TOGARAM1: variants seen among roughly 807,000 people sequenced by gnomAD.
TOGARAM1 encodes TOG array regulator of axonemal microtubules 1.
Under a neutral mutation model 166.6 loss-of-function variants are expected in TOGARAM1, and 100 were observed. The observed-to-expected ratio is 0.60, with a 90% CI of 0.51 to 0.71. The LOEUF (loss-of-function observed/expected upper bound fraction) is 0.71. Among genes scored for constraint, TOGARAM1 ranks in the 30% least tolerant of loss-of-function variants. The probability of loss-of-function intolerance (pLI) is 0.00; values close to 1 mark genes in which losing one functional copy is unlikely to be tolerated. For missense variants in TOGARAM1, 2,029 were observed against 2,102.7 expected, an observed-to-expected ratio of 0.96 and a Z score of 0.69; for synonymous variants, 758 against 763.8, an observed-to-expected ratio of 0.99 and a Z score of 0.13.
chr14:45,054,448 A>G lies in TOGARAM1; in HGVS notation c.4458A>G (p.Pro1486=), dbSNP rs749336651. 22 of 1,611,540 alleles carry G rather than the reference A, an allele frequency of 1.4e-5. No homozygotes were observed. The highest frequency in any genetic ancestry group is 1.8e-5 in the Non-Finnish European group (21 of 1,178,288). Residue 1486 remains proline, a synonymous_variant, in exon 16 of 20, where the codon CCA becomes CCG. Transcript: ENST00000361462. ...ACTTGCAGGGTTTGGGGGAGATACCATTAGATACTCCTTCAGCAAAAGGAA... is the reference window on the plus strand; with the variant it reads ...ACTTGCAGGGTTTGGGGGAGATACCGTTAGATACTCCTTCAGCAAAAGGAA... ...NLQQKGLGEI[P]LDTPSAKGRR...
chr14:45,028,424 T>C, intron 10 of TOGARAM1, 95 bp downstream of exon 10: 1 of 1,298,232 alleles, frequency 7.7e-7, no homozygotes. Context: ...TGACTAAGAA[T>C]GAAATATCTT....
chr14:44,993,821 C>T (rs879833056), intron 1 of TOGARAM1, among the ~76,000 whole-genome samples: 2 of 152,188 alleles, frequency 1.3e-5, no homozygotes, highest in African/African-American at 2.4e-5. Context: ...CCACCTCCAC[C>T]AGTTGTTGTA....
chr14:45,072,461 C>G (rs930761940), intron 19 of TOGARAM1, among the ~76,000 whole-genome samples: 1 of 151,590 alleles, frequency 6.6e-6, no homozygotes, highest in Non-Finnish European at 1.5e-5. Flanking sequence ...GAGTCTCGCT[C>G]TGTTGCCTAG....
Position 45,054,432 on chromosome 14 carries a change from G to A in TOGARAM1, c.4442G>A (p.Gly1481Asp). The A allele has an allele frequency of 2.5e-6, 4 of 1,595,630 alleles. No homozygotes were observed. The highest frequency in any genetic ancestry group is 2.2e-5 in the East Asian group (1 of 44,588). Residue 1481 changes from glycine to aspartate, a missense_variant and splice_region_variant, in exon 16 of 20, where the codon GGT becomes GAT. Gly to Asp is a moderately conservative substitution (Grantham distance 94). Around this residue, in one of 2 missense-constraint regions of TOGARAM1, gnomAD observed 576 missense variants for 670.5 expected, o/e 0.86. Coordinates refer to ENST00000361462, the MANE Select transcript of TOGARAM1 (RefSeq NM_001308120.2). Reference protein sequence around the residue: ...KDSVRNLQQKGLGEIPLDTPS... With the variant: ...KDSVRNLQQKDLGEIPLDTPS... Reference sequence around the variant, plus strand: ...TACTAATTTTATATTTACTTGCAGGGTTTGGGGGAGATACCATTAGATACT... The same window carrying A: ...TACTAATTTTATATTTACTTGCAGGATTTGGGGGAGATACCATTAGATACT...
chr14:45,060,535 C>T (rs1349739812), intron 16 of TOGARAM1, among the ~76,000 whole-genome samples: 3 of 152,102 alleles, frequency 2.0e-5, no homozygotes, highest in Non-Finnish European at 4.4e-5. Context: ...AAATGTTATT[C>T]TCCTTCCAGA....
At chr14:45,018,349 C>T (rs953696181) in intron 7 of TOGARAM1, among the ~76,000 whole-genome samples, 2 of 152,012 alleles carry the variant, frequency 1.3e-5, no homozygotes, top group South Asian at 2.1e-4. Context: ...AAGTGATTCT[C>T]GTGCCTCAGC....
At chr14:44,999,545 G>T in intron 3 of TOGARAM1, 48 bp downstream of exon 3, 1 of 1,486,022 alleles carries the variant, frequency 6.7e-7, no homozygotes. Flanking sequence ...TAAATATTAT[G>T]TGGGGATTCC....
At chr14:44,985,282 G>T (rs956339256) in intron 1 of TOGARAM1, among the ~76,000 whole-genome samples, 1 of 152,212 alleles carries the variant, frequency 6.6e-6, no homozygotes, top group Non-Finnish European at 1.5e-5. Flanking sequence ...AAAGTGCTGG[G>T]ATTAACAGGC....
At chr14:45,037,761 C>T (rs1881504273) in intron 11 of TOGARAM1, among the ~76,000 whole-genome samples, 1 of 151,882 alleles carries the variant, frequency 6.6e-6, no homozygotes, top group Non-Finnish European at 1.5e-5. Context: ...GGTGTGGTGG[C>T]TCATGCCTGT....
intron 1 of TOGARAM1, among the ~76,000 whole-genome samples, chr14:44,993,909 C>T (rs369004643): frequency 1.3e-5 from 2 of 152,166 alleles, no homozygotes; most frequent in East Asian, 1.9e-4. Flanking sequence ...AAATGTATTC[C>T]ATACTGTAGA....
chr14:45,032,940 A>G (rs1881243802), intron 11 of TOGARAM1, among the ~76,000 whole-genome samples: 1 of 152,168 alleles, frequency 6.6e-6, no homozygotes, highest in Non-Finnish European at 1.5e-5. Context: ...AAAATATGCC[A>G]TAATATCTCT....
intron 11 of TOGARAM1, among the ~76,000 whole-genome samples, chr14:45,041,600 C>G (rs1402355548): frequency 6.6e-6 from 1 of 152,216 alleles, no homozygotes; most frequent in Non-Finnish European, 1.5e-5. Context: ...CAGACTGATT[C>G]TTAATATAGC....
intron 13 of TOGARAM1, 97 bp downstream of exon 13, chr14:45,044,967 C>A: frequency 1.2e-6 from 1 of 814,240 alleles, no homozygotes; most frequent in Non-Finnish European, 1.9e-6. Flanking sequence ...AGTAGTATAT[C>A]AGTCAAAAAA....
intron 7 of TOGARAM1, among the ~76,000 whole-genome samples, chr14:45,013,660 A>C (rs1879944739): frequency 6.6e-6 from 1 of 152,362 alleles, no homozygotes; most frequent in African/African-American, 2.4e-5. Flanking sequence ...TAAGTTCATG[A>C]CATATATAAA....
At position 44,962,791 on chromosome 14, in the gene TOGARAM1, G is replaced by A. The variant is rs769320188; in HGVS notation, c.370G>A (p.Gly124Ser). The A allele has an allele frequency of 6.2e-7, 1 of 1,612,466 alleles. No individual in the cohort carries two copies. Among genetic ancestry groups the A allele is most frequent in the Non-Finnish European group, 8.5e-7 (1 of 1,180,002 alleles). Residue 124 changes from glycine (G) to serine (S), a missense_variant, in exon 1 of 20, where the codon GGC (glycine) becomes AGC (serine). Physicochemically the swap from Gly to Ser is moderately conservative, Grantham distance 56. Coordinates refer to ENST00000361462, the MANE Select transcript of TOGARAM1 (RefSeq NM_001308120.2). ...QALQAALPRR[G>S]GRLGFPRRKE... is the part of the protein sequence containing the mutation. ...TTTGCAAGCTGCTTTGCCGCGGCGG[G>A]GCGGTCGACTTGGCTTCCCCCGACG...
At chr14:44,967,598 A>C (rs998893205) in intron 1 of TOGARAM1, among the ~76,000 whole-genome samples, 1 of 152,216 alleles carries the variant, frequency 6.6e-6, no homozygotes, top group Non-Finnish European at 1.5e-5. Context: ...CTAAAGGAAT[A>C]GCGTGTTTAG....
rs1166241608 is a variant in TOGARAM1 at position 44,962,662 on chromosome 14, A to T, written c.241A>T (p.Ser81Cys). ...GATGCCCTCGGAGGCAGTCTCAAGC[A>T]GCTGGTCTGAGTCTGGAGGCGGTTT... ...LLMPSEAVSSSWSESGGGLSG... is the reference protein window; with the variant it reads ...LLMPSEAVSSCWSESGGGLSG... The change falls in exon 1 of 20, where the codon AGC (serine) becomes TGC (cysteine). Residue 81 changes from serine (S) to cysteine (C), a missense_variant. Coordinates refer to ENST00000361462, the MANE Select transcript of TOGARAM1 (RefSeq NM_001308120.2). 6.2e-7 allele frequency: 1 copy of T among 1,614,186 alleles called. No individual in the cohort carries two copies. Among genetic ancestry groups the T allele is most frequent in the South Asian group, 1.1e-5 (1 of 91,088 alleles).
At chr14:45,054,825 T>A (rs10129998) in intron 16 of TOGARAM1, among the ~76,000 whole-genome samples, 1 of 152,202 alleles carries the variant, frequency 6.6e-6, no homozygotes. Context: ...ATTAATTTTT[T>A]AAAAATTTAT....
intron 16 of TOGARAM1, among the ~76,000 whole-genome samples, chr14:45,064,314 AAG>A (rs1376691283): frequency 6.6e-6 from 1 of 152,102 alleles, no homozygotes; most frequent in Admixed American, 6.5e-5. Flanking sequence ...TTTTAATAAA[AAG>A]AGATGGGGTC....
Sources: gnomAD v4.1 joint callset for allele counts (sites outside exome capture counted in the v4.1 genomes callset) on GRCh38, gnomAD v4.1.1 for gene constraint, gnomAD v4.1.1 regional missense constraint, MANE v1.5 for transcripts, NCBI Gene and HGNC (gene_info 2026-07-23, HGNC 2026-07-21) for gene names.